Variants in SCN9A observed in about 807,000 individuals in gnomAD.
SCN9A encodes sodium voltage-gated channel alpha subunit 9.
SCN9A carries 131 observed loss-of-function variants against 187.0 expected under a neutral mutation model. The ratio of observed to expected loss-of-function variants is 0.70; its 90% CI spans 0.61 to 0.81. The LOEUF is 0.81. Ranked by LOEUF, SCN9A falls within the 30% of genes least tolerant of loss-of-function variation. The pLI, the probability that SCN9A is intolerant of heterozygous loss-of-function variation, is 0.00. For missense variants in SCN9A, 2,252 were observed against 2,396.6 expected, an observed-to-expected ratio of 0.94 and a Z score of 1.26; for synonymous variants, 809 against 808.6, an observed-to-expected ratio of 1.00 and a Z score of -0.01.
chr2:166,266,380 T>C lies in SCN9A; in HGVS notation c.3351+6019A>G, dbSNP rs143796893. Among the ~76,000 whole-genome samples the C allele has an allele frequency of 7.6e-4, 115 of 152,086 alleles. No individual in the cohort carries two copies. The East Asian group carries it at 0.021, about 28-fold the overall frequency. On this transcript the variant is annotated intron_variant, in intron 17 of 26. Transcript: ENST00000642356. ...CAAAACTCAGTTGACTGTATATGTG[T>C]AGATTTATTTCTGGGCTCTCTATTC...
chr2:166,257,316 G>A (rs879579516), intron 17 of SCN9A, among the ~76,000 whole-genome samples: 2 of 151,318 alleles, frequency 1.3e-5, no homozygotes, highest in African/African-American at 2.4e-5. Context: ...CTCAAGCTTC[G>A]TAAATATTAT....
intron 1 of SCN9A, among the ~76,000 whole-genome samples, chr2:166,328,575 T>G (rs1699422871): frequency 6.6e-6 from 1 of 152,132 alleles, no homozygotes. Context: ...TTCTGAAAAC[T>G]CAAGTTGAGA....
intron 17 of SCN9A, among the ~76,000 whole-genome samples, chr2:166,264,540 T>C (rs568330605): frequency 6.6e-6 from 1 of 152,056 alleles, no homozygotes; most frequent in Non-Finnish European, 1.5e-5. Flanking sequence ...GATATTTGAC[T>C]AAACCGTTTG....
intron 1 of SCN9A, among the ~76,000 whole-genome samples, chr2:166,327,375 T>C (rs533167279): frequency 6.6e-6 from 1 of 152,274 alleles, no homozygotes; most frequent in African/African-American, 2.4e-5. Flanking sequence ...CAGGCTCGTC[T>C]TGAACTCCTG....
intron 24 of SCN9A, among the ~76,000 whole-genome samples, chr2:166,213,459 C>A (rs964663777): frequency 1.4e-5 from 2 of 140,958 alleles, no homozygotes; most frequent in Admixed American, 7.2e-5. Context: ...CAAATTGAAC[C>A]AATAATAATA....
chr2:166,311,747 A>C lies in SCN9A; in HGVS notation c.10T>G (p.Leu4Val). 2 of 1,601,974 alleles carry C rather than the reference A, an allele frequency of 1.2e-6. No individual in the cohort carries two copies. The highest frequency in any genetic ancestry group is 1.7e-6 in the Non-Finnish European group (2 of 1,172,336). ...AAGCTCTGAGGTCCTGGGGGAGGCA[A>C]CATTGCCATCTTTTCATCCTGTATA... MAM[L>V]PPPGPQSFVH... Residue 4 changes from leucine (L) to valine (V), a missense_variant, in exon 2 of 27, where the codon TTG becomes GTG. By Grantham distance (32) the Leu-to-Val change is conservative (BLOSUM62 1). This residue lies in a region of SCN9A where 1,013 missense variants were observed against 997.4 expected (regional missense o/e 1.02). Coordinates refer to ENST00000642356, the MANE Select transcript of SCN9A (RefSeq NM_001365536.1).
chr2:166,211,500 T>C (rs1694091623), intron 24 of SCN9A, among the ~76,000 whole-genome samples: 1 of 146,428 alleles, frequency 6.8e-6, no homozygotes, highest in Admixed American at 6.9e-5. Context: ...TAGAGAATAC[T>C]GTAATACTCT....
At chr2:166,368,109 T>G (rs189783847) in intron 1 of SCN9A, among the ~76,000 whole-genome samples, 205 of 152,330 alleles carry the variant, frequency 1.3e-3, no homozygotes, top group Non-Finnish European at 1.7e-3. Context: ...AATGTGTATG[T>G]TATTCAAGTT....
intron 1 of SCN9A, among the ~76,000 whole-genome samples, chr2:166,355,885 G>A (rs1700141718): frequency 6.6e-6 from 1 of 151,426 alleles, no homozygotes; most frequent in South Asian, 2.1e-4. Context: ...TGATTCTCCT[G>A]CCTCAGCCTC....
chr2:166,242,246 G>C (rs552161088), intron 19 of SCN9A, among the ~76,000 whole-genome samples: 1 of 150,810 alleles, frequency 6.6e-6, no homozygotes, highest in African/African-American at 2.4e-5. Context: ...AACTGATATT[G>C]CCAGTAAAAT....
rs762034007 is a variant in SCN9A, at chr2:166,311,772, A to G, written c.-16T>C. 1 of 1,569,136 alleles carries G rather than the reference A, an allele frequency of 6.4e-7. No individual in the cohort carries two copies. Among genetic ancestry groups the G allele is most frequent in the Admixed American group, 1.7e-5 (1 of 57,216 alleles). On this transcript the variant is annotated 5_prime_UTR_variant, in exon 2 of 27. Transcript: ENST00000642356. ...ACATTGCCATCTTTTCATCCTGTAT[A>G]TTTTAATTCCTCTTCAGCTCCTCAC...
At chr2:166,299,080 G>T (rs1027344302) in intron 7 of SCN9A, among the ~76,000 whole-genome samples, 2 of 152,010 alleles carry the variant, frequency 1.3e-5, no homozygotes, top group African/African-American at 4.8e-5. Flanking sequence ...CTGTTTCGGT[G>T]GAGCTGTCGC....
At position 166,196,620 on chromosome 2, in the gene SCN9A, A is replaced by G. The variant is rs1693254410; in HGVS notation, c.*2052T>C. 6.6e-6 allele frequency: 1 copy of G among 152,180 alleles called. No homozygotes were observed. Among genetic ancestry groups the G allele is most frequent in the Non-Finnish European group, 1.5e-5 (1 of 67,998 alleles). 9.4% of individuals were successfully genotyped at this position (152,180 alleles called of 1,614,324 possible). ...GTAGATTGAATTCAAATTTAAGGTG[A>G]TGTTAAATTCTTAATTGAATGTATT... On this transcript the variant is annotated 3_prime_UTR_variant, in exon 27 of 27. Transcript: ENST00000642356.
chr2:166,327,807 C>T (rs1383914110), intron 1 of SCN9A, among the ~76,000 whole-genome samples: 1 of 152,094 alleles, frequency 6.6e-6, no homozygotes. Context: ...TTTGTCCAGG[C>T]CATTTCACTA....
Position 166,349,017 on chromosome 2 carries a change from C to G in SCN9A, c.-51+26680G>C, listed in dbSNP as rs188365371. 1.7e-3 allele frequency among the ~76,000 whole-genome samples: 242 copies of G among 146,078 alleles called. 2 individuals are homozygous for G. The highest frequency in any genetic ancestry group is 6.2e-3 in the African/African-American group (237 of 38,292). ...GTGGCGCGTGCTTATAATCCCGGCT[C>G]CTCGGAAGGCTGAGGCAGGAGAATC... On this transcript the variant is annotated intron_variant, in intron 1 of 26. Coordinates refer to ENST00000642356, the MANE Select transcript of SCN9A (RefSeq NM_001365536.1).
intron 1 of SCN9A, among the ~76,000 whole-genome samples, chr2:166,330,619 T>A (rs947571995): frequency 2.0e-5 from 3 of 152,184 alleles, no homozygotes; most frequent in Non-Finnish European, 4.4e-5. Flanking sequence ...ACTGGTTTCA[T>A]GGAAGACAAT....
chr2:166,333,446 C>G (rs1389353403), intron 1 of SCN9A, among the ~76,000 whole-genome samples: 1 of 152,008 alleles, frequency 6.6e-6, no homozygotes, highest in Non-Finnish European at 1.5e-5. Flanking sequence ...TGGTCACATC[C>G]AAATTTTCTC....
intron 17 of SCN9A, among the ~76,000 whole-genome samples, chr2:166,255,682 T>C (rs1265406997): frequency 6.5e-5 from 5 of 77,096 alleles, no homozygotes; most frequent in Non-Finnish European, 1.2e-4. Context: ...AACTGTTTGC[T>C]TCACACAACA....
chr2:166,199,878 A>AG lies in SCN9A; in HGVS notation c.4775-15_4775-14insC. 1 of 1,600,406 alleles carries AG rather than the reference A, an allele frequency of 6.2e-7. No individual in the cohort carries two copies. ...CTAGAAACATACCTGTATGTGGAGG[A>AG]AAATAATAGAAATAAAATATTTAAA... On this transcript the variant is annotated splice_polypyrimidine_tract_variant and intron_variant, in intron 26 of 26. Transcript: ENST00000642356.
Sources: gnomAD v4.1 joint callset for allele counts (sites outside exome capture counted in the v4.1 genomes callset) on GRCh38, gnomAD v4.1.1 for gene constraint, gnomAD v4.1.1 regional missense constraint, MANE v1.5 for transcripts, NCBI Gene and HGNC (gene_info 2026-07-23, HGNC 2026-07-21) for gene names.